AIG1: variants seen among roughly 807,000 people sequenced by gnomAD.
AIG1 encodes androgen induced 1.
AIG1 carries 23 observed loss-of-function variants against 31.4 expected under a neutral mutation model. That is an observed-to-expected ratio of 0.73 (90% confidence interval 0.53 to 1.04). The LOEUF is 1.04. Among genes scored for constraint, AIG1 ranks in the 50% least tolerant of loss-of-function variants. The probability of loss-of-function intolerance (pLI) is 0.00; values close to 1 mark genes in which losing one functional copy is unlikely to be tolerated. For missense variants in AIG1, 274 were observed against 295.0 expected (o/e 0.93, Z 0.52); for synonymous variants, 100 against 110.5 (o/e 0.90, Z 0.60).
chr6:143,060,875 C>T (rs772549714), upstream of AIG1: 3 of 1,276,802 alleles, frequency 2.3e-6, no homozygotes, highest in Non-Finnish European at 2.0e-6. Flanking sequence ...CCCGGCGCCT[C>T]CCTCACGCCC....
At chr6:143,278,751 G>C (rs1797138340) in intron 3 of AIG1, among the ~76,000 whole-genome samples, 1 of 152,194 alleles carries the variant, frequency 6.6e-6, no homozygotes, top group South Asian at 2.1e-4. Flanking sequence ...TTACAGGCAT[G>C]AGCCATTGTG....
At chr6:143,324,040 A>G (rs1458874042) in intron 4 of AIG1, among the ~76,000 whole-genome samples, 1 of 152,188 alleles carries the variant, frequency 6.6e-6, no homozygotes, top group Admixed American at 6.5e-5. Flanking sequence ...TGGAGGTACC[A>G]TGAGAGGCTC....
chr6:143,109,113 GTT>G (rs59696016), intron 1 of AIG1, among the ~76,000 whole-genome samples: 1 of 151,362 alleles, frequency 6.6e-6, no homozygotes, highest in African/African-American at 2.4e-5. Flanking sequence ...TTACGTTGCT[GTT>G]TTTTTTTCCC....
chr6:143,159,243 G>A (rs1786094378), intron 2 of AIG1, among the ~76,000 whole-genome samples: 1 of 152,216 alleles, frequency 6.6e-6, no homozygotes, highest in African/African-American at 2.4e-5. Context: ...TTACTGGTTG[G>A]ACTTGAAGGA....
chr6:143,101,310 C>T (rs1286529311), intron 1 of AIG1, among the ~76,000 whole-genome samples: 1 of 151,852 alleles, frequency 6.6e-6, no homozygotes, highest in Non-Finnish European at 1.5e-5. Context: ...GAGTAGCCTG[C>T]AAGGATGATC....
chr6:143,075,715 C>G (rs929063964), intron 1 of AIG1, among the ~76,000 whole-genome samples: 13 of 151,816 alleles, frequency 8.6e-5, no homozygotes, highest in Admixed American at 7.9e-4. Context: ...TAATATGAAC[C>G]CTTTATTCTT....
intron 1 of AIG1, among the ~76,000 whole-genome samples, chr6:143,110,148 G>A (rs781269266): frequency 2.6e-5 from 4 of 152,090 alleles, no homozygotes; most frequent in Non-Finnish European, 5.9e-5. Flanking sequence ...TTATGTGTGG[G>A]TCTGTGTCTG....
At chr6:143,098,545 C>T (rs1039372171) in intron 1 of AIG1, among the ~76,000 whole-genome samples, 1 of 152,228 alleles carries the variant, frequency 6.6e-6, no homozygotes, top group African/African-American at 2.4e-5. Flanking sequence ...ACTCAACTAG[C>T]ATTATGGTGG....
At chr6:143,120,944 G>A (rs1410635129) in intron 1 of AIG1, among the ~76,000 whole-genome samples, 1 of 152,210 alleles carries the variant, frequency 6.6e-6, no homozygotes, top group South Asian at 2.1e-4. Flanking sequence ...CCGCTTAAAG[G>A]CATTCTTAAT....
intron 3 of AIG1, among the ~76,000 whole-genome samples, chr6:143,275,226 C>A (rs1796813311): frequency 6.6e-6 from 1 of 152,046 alleles, no homozygotes; most frequent in Admixed American, 6.6e-5. Flanking sequence ...GAGGAAGTGG[C>A]CTAGAAGAAA....
chr6:143,282,794 G>A (rs571832593), intron 3 of AIG1, among the ~76,000 whole-genome samples: 11 of 152,268 alleles, frequency 7.2e-5, no homozygotes, highest in Admixed American at 7.2e-4. Flanking sequence ...ACAATAGGTT[G>A]CTCCTAAGAT....
At chr6:143,269,699 G>A (rs1417278192) in intron 3 of AIG1, among the ~76,000 whole-genome samples, 1 of 152,158 alleles carries the variant, frequency 6.6e-6, no homozygotes, top group African/African-American at 2.4e-5. Context: ...ATATAATATT[G>A]AACAAAAGCA....
chr6:143,079,651 A>G lies in AIG1; in HGVS notation c.141+18585A>G, dbSNP rs117228415. ...TTTATAAACATTTTTCCGTGCCATTATACATTCTCCCATAACATAATTTTT... is the reference window on the plus strand; with the variant it reads ...TTTATAAACATTTTTCCGTGCCATTGTACATTCTCCCATAACATAATTTTT... On this transcript the variant is annotated intron_variant, in intron 1 of 5. Coordinates refer to ENST00000357847, the MANE Select transcript of AIG1 (RefSeq NM_016108.4). Among the ~76,000 whole-genome samples the G allele has an allele frequency of 1.1e-3, 165 of 152,248 alleles. 2 individuals carry two copies. In the East Asian group the frequency reaches 0.027, roughly 25 times the overall value.
At chr6:143,176,584 T>C (rs971328443) in intron 3 of AIG1, among the ~76,000 whole-genome samples, 4 of 151,828 alleles carry the variant, frequency 2.6e-5, no homozygotes, top group Non-Finnish European at 5.9e-5. Flanking sequence ...CCGGGGGGGT[T>C]ATAGCTGTCT....
At chr6:143,156,861 G>T (rs77873306) in intron 2 of AIG1, among the ~76,000 whole-genome samples, 5,475 of 152,266 alleles carry the variant, frequency 0.036, 400 homozygotes, top group East Asian at 0.3. Context: ...CTTGAGGAGG[G>T]AGCATGACCT....
At chr6:143,073,737 C>T (rs1383629095) in intron 1 of AIG1, among the ~76,000 whole-genome samples, 2 of 152,158 alleles carry the variant, frequency 1.3e-5, no homozygotes, top group African/African-American at 4.8e-5. Flanking sequence ...AGTTTACAGT[C>T]ATGGCAGAAA....
intron 3 of AIG1, among the ~76,000 whole-genome samples, chr6:143,180,319 G>A (rs9403458): frequency 0.33 from 49,834 of 152,062 alleles, 8,325 homozygotes; most frequent in Admixed American, 0.38. Flanking sequence ...GGTTGGAAAT[G>A]GCATATTTGA....
chr6:143,343,196 G>A (rs761678534), downstream of AIG1: 26 of 702,984 alleles, frequency 3.7e-5, no homozygotes, highest in African/African-American at 1.6e-4. Context: ...TTAACGCCAC[G>A]GATATGGCAG....
chr6:143,309,758 C>T (rs1775116867), intron 4 of AIG1, among the ~76,000 whole-genome samples: 1 of 151,914 alleles, frequency 6.6e-6, no homozygotes, highest in Non-Finnish European at 1.5e-5. Flanking sequence ...CTACAAGAAA[C>T]TCACTTTAAA....
Sources: gnomAD v4.1 joint callset for allele counts (sites outside exome capture counted in the v4.1 genomes callset) on GRCh38, gnomAD v4.1.1 for gene constraint, MANE v1.5 for transcripts, NCBI Gene and HGNC (gene_info 2026-07-23, HGNC 2026-07-21) for gene names.